The following MAN1A1 variants were observed in gnomAD, a reference collection of about 807,000 sequenced individuals.
MAN1A1 encodes the protein mannosidase alpha class 1A member 1.
Under a neutral mutation model 70.8 loss-of-function variants are expected in MAN1A1, and 29 were observed. The ratio of observed to expected loss-of-function variants is 0.41; its 90% CI spans 0.31 to 0.56. The LOEUF (loss-of-function observed/expected upper bound fraction) is 0.56. Among genes scored for constraint, MAN1A1 ranks in the 20% least tolerant of loss-of-function variants. The pLI is 0.29. For missense variants in MAN1A1, 747 were observed against 841.3 expected (o/e 0.89, Z 1.39); for synonymous variants, 349 against 330.1 (o/e 1.06, Z -0.62).
chr6:119,331,525 A>G (rs1305604804), intron 2 of MAN1A1, among the ~76,000 whole-genome samples: 1 of 145,644 alleles, frequency 6.9e-6, no homozygotes, highest in Non-Finnish European at 1.5e-5. Context: ...TTAAGGTATT[A>G]TTTTAGATAA....
intron 6 of MAN1A1, among the ~76,000 whole-genome samples, chr6:119,231,611 G>C (rs1001694242): frequency 1.3e-5 from 2 of 152,180 alleles, no homozygotes; most frequent in African/African-American, 4.8e-5. Context: ...GGACAAGGTG[G>C]AGGGAAGAGC....
intron 2 of MAN1A1, among the ~76,000 whole-genome samples, chr6:119,336,621 T>C (rs909373101): frequency 1.3e-5 from 2 of 152,210 alleles, no homozygotes; most frequent in African/African-American, 2.4e-5. Flanking sequence ...CAATATGAAA[T>C]TGGGAAATAG....
At chr6:119,328,726 C>T (rs1582808714) in intron 2 of MAN1A1, among the ~76,000 whole-genome samples, 1 of 152,132 alleles carries the variant, frequency 6.6e-6, no homozygotes, top group African/African-American at 2.4e-5. Context: ...TTTAACTGGT[C>T]ACCATTTACG....
chr6:119,220,188 T>C (rs546851561), intron 6 of MAN1A1, among the ~76,000 whole-genome samples: 109 of 152,242 alleles, frequency 7.2e-4, no homozygotes, highest in African/African-American at 2.6e-3. Context: ...TACTTTACTA[T>C]GGACAATATA....
At chr6:119,223,179 T>A (rs1774413413) in intron 6 of MAN1A1, among the ~76,000 whole-genome samples, 1 of 152,182 alleles carries the variant, frequency 6.6e-6, no homozygotes, top group Non-Finnish European at 1.5e-5. Context: ...TCTGTTTTTG[T>A]ATTTACTGAA....
chr6:119,275,212 G>A (rs1432021298), intron 5 of MAN1A1, among the ~76,000 whole-genome samples: 1 of 141,400 alleles, frequency 7.1e-6, no homozygotes, highest in African/African-American at 2.6e-5. Context: ...CCGGGTTCAA[G>A]CAATTCTCCT....
intron 8 of MAN1A1, among the ~76,000 whole-genome samples, chr6:119,197,146 T>G (rs1773591478): frequency 6.6e-6 from 1 of 151,996 alleles, no homozygotes; most frequent in African/African-American, 2.4e-5. Context: ...TCATCTCTAC[T>G]AAAGATACAA....
At chr6:119,234,718 T>C (rs1457394072) in intron 6 of MAN1A1, among the ~76,000 whole-genome samples, 1 of 152,178 alleles carries the variant, frequency 6.6e-6, no homozygotes. Flanking sequence ...CCCAGCCACA[T>C]AATTCTACAT....
chr6:119,243,208 T>C (rs905243838), intron 6 of MAN1A1, among the ~76,000 whole-genome samples: 4 of 152,118 alleles, frequency 2.6e-5, no homozygotes, highest in African/African-American at 4.8e-5. Flanking sequence ...TTTTGCCTCA[T>C]AGAATACTAG....
chr6:119,229,756 G>T (rs1252776586), intron 6 of MAN1A1, among the ~76,000 whole-genome samples: 1 of 152,016 alleles, frequency 6.6e-6, no homozygotes. Flanking sequence ...TAAAAATAAA[G>T]AAAACAAACA....
intron 3 of MAN1A1, among the ~76,000 whole-genome samples, chr6:119,306,292 T>C (rs1772522541): frequency 1.3e-5 from 2 of 152,178 alleles, no homozygotes. Context: ...CTTGTGTTAC[T>C]TAGCTTCCTT....
chr6:119,319,872 C>T (rs970236318), intron 2 of MAN1A1, among the ~76,000 whole-genome samples: 2 of 152,168 alleles, frequency 1.3e-5, no homozygotes, highest in African/African-American at 4.8e-5. Context: ...TGCTTTCCCT[C>T]TTCCTTCTGC....
intron 11 of MAN1A1, among the ~76,000 whole-genome samples, chr6:119,182,674 T>C (rs1582673350): frequency 6.6e-6 from 1 of 152,128 alleles, no homozygotes; most frequent in Non-Finnish European, 1.5e-5. Context: ...CGTACAAAAA[T>C]TGCCATCTGC....
chr6:119,251,317 C>T (rs1261953844), intron 5 of MAN1A1, among the ~76,000 whole-genome samples: 1 of 152,220 alleles, frequency 6.6e-6, no homozygotes, highest in Non-Finnish European at 1.5e-5. Flanking sequence ...CTCTATGAAT[C>T]AGACCCTTCA....
chr6:119,225,443 G>T (rs1006082285), intron 6 of MAN1A1, among the ~76,000 whole-genome samples: 1 of 73,140 alleles, frequency 1.4e-5, no homozygotes, highest in Non-Finnish European at 3.2e-5. Flanking sequence ...GAAGGAAGAG[G>T]AGGAGGAGAA....
intron 2 of MAN1A1, among the ~76,000 whole-genome samples, chr6:119,331,082 G>A (rs982307579): frequency 5.9e-5 from 9 of 152,032 alleles, no homozygotes; most frequent in Non-Finnish European, 8.8e-5. Context: ...TTTATTAAAG[G>A]AAAATATTAA....
Position 119,234,216 on chromosome 6 carries a change from A to T in MAN1A1, c.992+14044T>A, listed in dbSNP as rs543915606. ...AAGAAACTCATTCTAAGAAAAGATT[A>T]CTTGGAAACTAAATTTAATGAAAAT... On this transcript the variant is annotated intron_variant, in intron 6 of 12. Transcript: ENST00000368468. Among the ~76,000 whole-genome samples, 24 of 152,342 alleles carry T rather than the reference A, an allele frequency of 1.6e-4. No homozygotes were observed. The South Asian group carries it at 4.6e-3, about 29-fold the overall frequency.
chr6:119,226,628 A>T (rs980595087), intron 6 of MAN1A1, among the ~76,000 whole-genome samples: 1 of 152,204 alleles, frequency 6.6e-6, no homozygotes, highest in Non-Finnish European at 1.5e-5. Context: ...GGCATCTACC[A>T]AGAAGAATAT....
chr6:119,183,344 C>G (rs919761260), intron 11 of MAN1A1, among the ~76,000 whole-genome samples: 4 of 152,044 alleles, frequency 2.6e-5, no homozygotes, highest in Admixed American at 6.6e-5. Context: ...CCAGACAGTG[C>G]GTCAAATGGA....
Sources: allele counts gnomAD v4.1 joint callset (sites outside exome capture counted in the v4.1 genomes callset), GRCh38; gene constraint gnomAD v4.1.1; transcripts MANE v1.5; gene names NCBI Gene and HGNC (gene_info 2026-07-23, HGNC 2026-07-21).